Variants in KCNQ1 observed in about 807,000 individuals in gnomAD.
KCNQ1 encodes potassium voltage-gated channel subfamily Q member 1, also known as potassium voltage-gated channel subfamily KQT member 1.
Under a neutral mutation model 72.4 loss-of-function variants are expected in KCNQ1, and 49 were observed. The observed-to-expected ratio is 0.68, with a 90% CI of 0.54 to 0.86. The LOEUF (loss-of-function observed/expected upper bound fraction) is 0.86, where lower values mean the gene tolerates loss of function less well. Ranked by LOEUF, KCNQ1 falls within the 40% of genes least tolerant of loss-of-function variation. The pLI, the probability that KCNQ1 is intolerant of heterozygous loss-of-function variation, is 0.00. For missense variants in KCNQ1, 790 were observed against 945.1 expected, an observed-to-expected ratio of 0.84 and a Z score of 2.15; for synonymous variants, 450 against 412.6, an observed-to-expected ratio of 1.09 and a Z score of -1.10.
chr11:2,545,977 TA>T (rs1425773797), intron 2 of KCNQ1, among the ~76,000 whole-genome samples: 2 of 152,170 alleles, frequency 1.3e-5, no homozygotes, highest in African/African-American at 2.4e-5. Context: ...TTGGTTTCAT[TA>T]TTTTTTTTCT....
intron 1 of KCNQ1, among the ~76,000 whole-genome samples, chr11:2,519,776 C>T (rs564361766): frequency 1.8e-4 from 10 of 56,382 alleles, no homozygotes; most frequent in South Asian, 5.3e-4. Context: ...GGTGTTGGCC[C>T]CCCCCCACAA....
chr11:2,848,745 G>A lies in KCNQ1; in HGVS notation c.*742G>A, dbSNP rs114844136. The A allele has an allele frequency of 9.6e-3, 4,340 of 453,872 alleles. 161 individuals carry two copies. Among genetic ancestry groups the A allele is most frequent in the African/African-American group, 0.075 (3,768 of 50,066 alleles). 28.1% of individuals were successfully genotyped at this position (453,872 alleles called of 1,614,324 possible). On this transcript the variant is annotated 3_prime_UTR_variant, in exon 16 of 16. Coordinates refer to ENST00000155840, the MANE Select transcript of KCNQ1 (RefSeq NM_000218.3). ...TGAGCCCACTGTGCGTGGGGCTCCC[G>A]CCTCCAACCCCTCGCCCAGTCCCAG... is the stretch of plus-strand genomic sequence containing the variant.
At chr11:2,802,354 C>A (rs1012505847) in intron 15 of KCNQ1, among the ~76,000 whole-genome samples, 4 of 152,234 alleles carry the variant, frequency 2.6e-5, no homozygotes, top group African/African-American at 9.6e-5. Context: ...GCCTCCCAGC[C>A]CTCACCAGTA....
Position 2,671,668 on chromosome 11 carries a change from GC to G in KCNQ1, c.1514+9588del, listed in dbSNP as rs869176224. 7 of 385,390 alleles carry G rather than the reference GC, an allele frequency of 1.8e-5. No individual in the cohort carries two copies. Among genetic ancestry groups the G allele is most frequent in the South Asian group, 1.4e-4 (1 of 7,052 alleles). 23.9% of individuals were successfully genotyped at this position (385,390 alleles called of 1,614,324 possible). On this transcript the variant is annotated intron_variant, in intron 11 of 15. Transcript: ENST00000155840. This position sits in a 1 kb window ranked among gnomAD's most constrained non-coding sequence, Gnocchi z 4.7. Reference sequence around the variant, plus strand: ...CCTGCTGGGGAAACTGAGGCAGAGAGCAGGGGTGACTTTGCAAGGCAATAGA... The same window carrying G: ...CCTGCTGGGGAAACTGAGGCAGAGAGAGGGGTGACTTTGCAAGGCAATAGA...
intron 11 of KCNQ1, among the ~76,000 whole-genome samples, chr11:2,741,067 G>A (rs1846041697): frequency 6.6e-6 from 1 of 152,194 alleles, no homozygotes; most frequent in South Asian, 2.1e-4. Context: ...TGGGGTGGGG[G>A]GTGTTCCTGT....
At chr11:2,821,797 C>T (rs1388690051) in intron 15 of KCNQ1, among the ~76,000 whole-genome samples, 1 of 152,160 alleles carries the variant, frequency 6.6e-6, no homozygotes, top group Non-Finnish European at 1.5e-5. Context: ...CCAAGCCACT[C>T]CTGTTGCCCT....
At chr11:2,733,857 C>CTCTCTCTCTCGCTCTTTCTCTCT (rs147278439) in intron 11 of KCNQ1, among the ~76,000 whole-genome samples, 2 of 76,318 alleles carry the variant, frequency 2.6e-5, no homozygotes, top group Admixed American at 1.3e-4. Context: ...CTCTCTCTCT[C>CTCTCTCTCTCGCTCTTTCTCTCT]CCCCCCCACT....
intron 11 of KCNQ1, chr11:2,689,094 G>A (rs1033764563): frequency 2.5e-6 from 1 of 398,676 alleles, no homozygotes; most frequent in Non-Finnish European, 4.4e-6. Flanking sequence ...TGGAAGTTGG[G>A]TAGTCTGGCC....
At chr11:2,832,370 C>G (rs1157588870) in intron 15 of KCNQ1, among the ~76,000 whole-genome samples, 1 of 152,194 alleles carries the variant, frequency 6.6e-6, no homozygotes, top group Non-Finnish European at 1.5e-5. Flanking sequence ...GAGACTAGGA[C>G]AGGGTGCCTG....
chr11:2,839,948 T>C (rs1178468207), intron 15 of KCNQ1: 2 of 152,184 alleles, frequency 1.3e-5, no homozygotes, highest in African/African-American at 4.8e-5. Flanking sequence ...AGGGCAGTTC[T>C]GCGTAGACGC....
rs1232773376 is a variant in KCNQ1 at position 2,488,819 on chromosome 11, C to T, written c.387-39109C>T. 6.6e-6 allele frequency among the ~76,000 whole-genome samples: 1 copy of T among 152,120 alleles called. No individual in the cohort carries two copies. The highest frequency in any genetic ancestry group is 1.5e-5 in the Non-Finnish European group (1 of 68,012). On this transcript the variant is annotated intron_variant, in intron 1 of 15. Coordinates refer to ENST00000155840, the MANE Select transcript of KCNQ1 (RefSeq NM_000218.3). This position sits in a 1 kb window ranked among gnomAD's most constrained non-coding sequence, Gnocchi z 5.1. ...CAACTTTGATTTAATTGATTTTTCT[C>T]TATTGTTTTTCTATTCTCTATTTTG...
chr11:2,448,239 G>C (rs1027196020), intron 1 of KCNQ1, among the ~76,000 whole-genome samples: 1 of 152,222 alleles, frequency 6.6e-6, no homozygotes, highest in African/African-American at 2.4e-5. Flanking sequence ...AGAGGGATTT[G>C]AGGGGGGACC....
intron 11 of KCNQ1, among the ~76,000 whole-genome samples, chr11:2,709,640 C>G (rs1850973159): frequency 6.6e-6 from 1 of 152,078 alleles, no homozygotes; most frequent in African/African-American, 2.4e-5. Context: ...TCCCCACTTC[C>G]CTTCTCTCAT....
In KCNQ1 at chr11:2,840,894, G is replaced by A. The variant is rs185043128; in HGVS notation, c.1795-6873G>A. 4.9e-3 allele frequency among the ~76,000 whole-genome samples: 741 copies of A among 152,202 alleles called. 7 individuals carry two copies. The highest frequency in any genetic ancestry group is 0.017 in the African/African-American group (692 of 41,520). On this transcript the variant is annotated intron_variant, in intron 15 of 15. Transcript: ENST00000155840. ...GCCTTGGGGCCCCGGGAAATTGGCC[G>A]GGGCCTCACTTACTAATTCAACAAA...
intron 11 of KCNQ1, among the ~76,000 whole-genome samples, chr11:2,760,783 C>T (rs1846380566): frequency 6.6e-6 from 1 of 152,232 alleles, no homozygotes; most frequent in Non-Finnish European, 1.5e-5. Flanking sequence ...TCCTTGTCCC[C>T]CTTGCAGGAC....
chr11:2,800,622 T>C (rs1847243679), intron 15 of KCNQ1, among the ~76,000 whole-genome samples: 1 of 151,942 alleles, frequency 6.6e-6, no homozygotes, highest in South Asian at 2.1e-4. Context: ...GCCGTGAAGG[T>C]TCCAAGCTTG....
chr11:2,632,728 C>T (rs1047859641), intron 10 of KCNQ1: 2 of 398,248 alleles, frequency 5.0e-6, no homozygotes, highest in African/African-American at 4.1e-5. Context: ...CCAAGTTCAT[C>T]CATGTTGCTG....
intron 11 of KCNQ1, among the ~76,000 whole-genome samples, chr11:2,733,774 CCACACACACACACACACACA>C (rs144399150): frequency 2.3e-4 from 13 of 57,478 alleles, no homozygotes; most frequent in South Asian, 7.9e-4. Flanking sequence ...TTCAGGCCTT[CCACACACACACACACACACA>C]CACACACACA....
In KCNQ1 at chr11:2,475,773, G is replaced by A. The variant is rs56138628; in HGVS notation, c.386+30289G>A. 3.2e-3 allele frequency among the ~76,000 whole-genome samples: 493 copies of A among 152,248 alleles called. 2 individuals carry two copies. Among genetic ancestry groups the A allele is most frequent in the Non-Finnish European group, 5.8e-3 (393 of 68,026 alleles). On this transcript the variant is annotated intron_variant, in intron 1 of 15. Coordinates refer to ENST00000155840, the MANE Select transcript of KCNQ1 (RefSeq NM_000218.3). This position sits in a 1 kb window ranked among gnomAD's most constrained non-coding sequence, Gnocchi z 5.8. ...GTGCTGTTCTCGTAATAGTGAATAC[G>A]TCTCATAAGATCTGATGGTTTTAAA...
Sources: allele counts gnomAD v4.1 joint callset (sites outside exome capture counted in the v4.1 genomes callset), GRCh38; gene constraint gnomAD v4.1.1; non-coding constraint Gnocchi (gnomAD v3.1); transcripts MANE v1.5; gene names NCBI Gene and HGNC (gene_info 2026-07-23, HGNC 2026-07-21).